The following CELF2 variants were observed in gnomAD, a reference collection of about 807,000 sequenced individuals.
The protein encoded by CELF2 is CUGBP Elav-like family member 2, also known as CUG triplet repeat RNA-binding protein 2.
CELF2 carries 8 observed loss-of-function variants against 62.6 expected under a neutral mutation model. The ratio of observed to expected loss-of-function variants is 0.13; its 90% CI spans 0.07 to 0.23. The LOEUF is 0.23. CELF2 is among the 10% of genes least tolerant of loss of function. The pLI is 1.00. For missense variants in CELF2, 333 were observed against 671.0 expected (o/e 0.50, Z 5.56); for synonymous variants, 258 against 250.0 (o/e 1.03, Z -0.30).
the CELF2 span, among the ~76,000 whole-genome samples, chr10:10,774,046 T>C: frequency 6.6e-6 from 1 of 152,318 alleles, no homozygotes; most frequent in Admixed American, 6.5e-5. Context: ...AGGCCAAGAT[T>C]GTTGCTGCTG....
chr10:10,899,502 G>A (rs1267462013), intron 1 of CELF2, among the ~76,000 whole-genome samples: 5 of 152,164 alleles, frequency 3.3e-5, no homozygotes, highest in Non-Finnish European at 7.3e-5. Context: ...GAACTAGATA[G>A]TAAGTATTTT....
chr10:11,210,749 C>T (rs1399279271), intron 2 of CELF2, among the ~76,000 whole-genome samples: 6 of 152,108 alleles, frequency 3.9e-5, no homozygotes, highest in Non-Finnish European at 5.9e-5. Flanking sequence ...CTGCCTTTGG[C>T]GTTGTGACTC....
the CELF2 span, among the ~76,000 whole-genome samples, chr10:10,480,133 TTAATCTATTTAGAAGCAGAA>T: frequency 6.6e-6 from 1 of 152,122 alleles, no homozygotes; most frequent in East Asian, 1.9e-4. Flanking sequence ...TCGGTGGTAT[TTAATCTATTTAGAAGCAGAA>T]TCTTTAACTT....
At chr10:11,174,005 T>C (rs1011081972) in intron 2 of CELF2, among the ~76,000 whole-genome samples, 1 of 152,154 alleles carries the variant, frequency 6.6e-6, no homozygotes, top group African/African-American at 2.4e-5. Context: ...TACTGAGAAA[T>C]TCCGTGGGGA....
In CELF2 at chr10:11,177,966, C is replaced by T. The variant is rs115040821; in HGVS notation, c.271+12284C>T. On this transcript the variant is annotated intron_variant, in intron 2 of 12. Coordinates refer to ENST00000633077, the MANE Select transcript of CELF2 (RefSeq NM_001326342.2). The surrounding 1 kb of genome is among the most constrained non-coding windows in gnomAD (Gnocchi z 4.8). ...ACAGCCCCTGTGAGGCTCAGTAAGC[C>T]GCAGCCTAGATTGGAACAGCGTGAC... is the stretch of plus-strand genomic sequence containing the variant. Among the ~76,000 whole-genome samples, 1,141 of 152,242 alleles carry T rather than the reference C, an allele frequency of 7.5e-3. 12 individuals are homozygous for T. Among genetic ancestry groups the T allele is most frequent in the African/African-American group, 0.026 (1,063 of 41,534 alleles).
intron 1 of CELF2, among the ~76,000 whole-genome samples, chr10:10,812,193 A>G (rs1287850865): frequency 6.6e-6 from 1 of 152,188 alleles, no homozygotes; most frequent in African/African-American, 2.4e-5. Context: ...CCTCACAATC[A>G]TGGCAGAAGG....
At chr10:10,933,904 C>T (rs1013557392) in intron 2 of CELF2, among the ~76,000 whole-genome samples, 5 of 152,120 alleles carry the variant, frequency 3.3e-5, no homozygotes, top group Admixed American at 6.5e-5. Context: ...GCCATGAACA[C>T]GGGAGTGCAG....
intron 3 of CELF2, among the ~76,000 whole-genome samples, chr10:11,239,883 G>A (rs867037846): frequency 9.2e-5 from 14 of 152,032 alleles, no homozygotes; most frequent in African/African-American, 3.4e-4. Context: ...GTGAAACCCC[G>A]TCTCTACAAA....
At chr10:10,845,925 T>A (rs1402321069) in intron 1 of CELF2, 1 of 159,022 alleles carries the variant, frequency 6.3e-6, no homozygotes, top group Non-Finnish European at 1.3e-5. Flanking sequence ...AAACCCCTCA[T>A]TATTATGTAA....
chr10:10,860,598 A>C (rs1337068030), intron 1 of CELF2, among the ~76,000 whole-genome samples: 1 of 152,240 alleles, frequency 6.6e-6, no homozygotes, highest in African/African-American at 2.4e-5. Flanking sequence ...TGGTGCTGCT[A>C]AAAGGAAAAC....
intron 1 of CELF2, among the ~76,000 whole-genome samples, chr10:11,035,583 C>G (rs537035757): frequency 1.3e-5 from 2 of 152,168 alleles, no homozygotes; most frequent in African/African-American, 4.8e-5. Flanking sequence ...TTTAATGGCC[C>G]TGGGGTGCCT....
the CELF2 span, among the ~76,000 whole-genome samples, chr10:10,549,920 G>A: frequency 6.6e-6 from 1 of 152,244 alleles, no homozygotes; most frequent in East Asian, 1.9e-4. Context: ...GGAAAGGAAG[G>A]TCTCAGCACA....
chr10:10,803,360 C>T (rs1337101461), intron 1 of CELF2, among the ~76,000 whole-genome samples: 2 of 152,252 alleles, frequency 1.3e-5, no homozygotes, highest in Non-Finnish European at 2.9e-5. Context: ...CTCCCTCTCT[C>T]CCCACAGCTC....
the CELF2 span, among the ~76,000 whole-genome samples, chr10:10,696,011 A>C: frequency 0.023 from 3,553 of 151,920 alleles, 69 homozygotes; most frequent in Non-Finnish European, 0.037. Context: ...TCAGCTCGTC[A>C]AAGTCATTCT....
At chr10:10,508,315 T>C in the CELF2 span, among the ~76,000 whole-genome samples, 2 of 152,204 alleles carry the variant, frequency 1.3e-5, no homozygotes, top group Non-Finnish European at 1.5e-5. Flanking sequence ...GCAATACTAC[T>C]TGAACATGGA....
At chr10:10,773,733 A>G in the CELF2 span, among the ~76,000 whole-genome samples, 3 of 152,176 alleles carry the variant, frequency 2.0e-5, no homozygotes, top group Non-Finnish European at 4.4e-5. Flanking sequence ...CCAGCCCTCC[A>G]TGCTCCACAG....
chr10:11,115,531 G>C (rs1254600269), intron 1 of CELF2, among the ~76,000 whole-genome samples: 3 of 152,200 alleles, frequency 2.0e-5, no homozygotes, highest in Non-Finnish European at 2.9e-5. Flanking sequence ...AGTAAATTTA[G>C]AGACCTACTT....
At position 11,334,743 on chromosome 10, in the gene CELF2, T is replaced by C. The variant is rs2096087502; in HGVS notation, c.*5690T>C. The C allele has an allele frequency of 1.3e-5, 2 of 152,036 alleles. No homozygotes were observed. The highest frequency in any genetic ancestry group is 4.8e-5 in the African/African-American group (2 of 41,372). The allele number at this position is 152,036 out of a possible 1,614,324, so 9.4% of individuals were successfully genotyped here. A position where few individuals can be genotyped will look rare whatever the true frequency, so the allele number is the denominator to read the frequency against. Reference sequence around the variant, plus strand: ...ACATACATTCCAAACTGCTGCGGGGTTTCCTCTCCACACCCACGAGGCCAA... The same window carrying C: ...ACATACATTCCAAACTGCTGCGGGGCTTCCTCTCCACACCCACGAGGCCAA... On this transcript the variant is annotated 3_prime_UTR_variant, in exon 13 of 13. Transcript: ENST00000633077.
intron 2 of CELF2, among the ~76,000 whole-genome samples, chr10:11,210,220 T>G (rs868663022): frequency 1.3e-4 from 20 of 152,176 alleles, no homozygotes; most frequent in African/African-American, 3.9e-4. Flanking sequence ...AAAAAATATA[T>G]AGAGAGCTCA....
Sources: allele counts gnomAD v4.1 joint callset (sites outside exome capture counted in the v4.1 genomes callset), GRCh38; gene constraint gnomAD v4.1.1; non-coding constraint Gnocchi (gnomAD v3.1); transcripts MANE v1.5; gene names NCBI Gene and HGNC (gene_info 2026-07-23, HGNC 2026-07-21).